Variants in PDSS2 observed in about 807,000 individuals in gnomAD.
The protein encoded by PDSS2 is decaprenyl diphosphate synthase subunit 2, also known as all trans-polyprenyl-diphosphate synthase PDSS2.
Under a neutral mutation model 44.5 loss-of-function variants are expected in PDSS2, and 31 were observed. That is an observed-to-expected ratio of 0.70 (90% CI 0.52 to 0.94). The LOEUF (loss-of-function observed/expected upper bound fraction) is 0.94, where lower values mean the gene tolerates loss of function less well. PDSS2 is among the 40% of genes least tolerant of loss of function. PDSS2 has a pLI of 0.00. For missense variants in PDSS2, 452 were observed against 482.2 expected (o/e 0.94, Z 0.59); for synonymous variants, 157 against 180.3 (o/e 0.87, Z 1.03).
chr6:107,212,214 G>A lies in PDSS2; in HGVS notation c.771C>T (p.Ala257=). The A allele has an allele frequency of 6.2e-7, 1 of 1,613,694 alleles. No individual in the cohort carries two copies. The highest frequency in any genetic ancestry group is 8.5e-7 in the Non-Finnish European group (1 of 1,179,654). Reference sequence around the variant, plus strand: ...CAGCTTGGCAGCTCTTTGCTAGTAAGGCACCATGGGAGAGAAAAGTCTGCT... The same window carrying A: ...CAGCTTGGCAGCTCTTTGCTAGTAAAGCACCATGGGAGAGAAAAGTCTGCT... The part of the protein sequence containing the change: ...WKEQTFLSHG[A]LLAKSCQAAM... The change falls in exon 5 of 8, where the codon GCC becomes GCT. Residue 257 remains alanine, a synonymous_variant. Transcript: ENST00000369037.
At chr6:107,387,062 T>C (rs148593379) in intron 1 of PDSS2, among the ~76,000 whole-genome samples, 13 of 152,322 alleles carry the variant, frequency 8.5e-5, no homozygotes, top group African/African-American at 3.1e-4. Context: ...TCTGAAGGGT[T>C]TGTCCATTTT....
intron 2 of PDSS2, among the ~76,000 whole-genome samples, chr6:107,288,420 G>A (rs182766847): frequency 4.5e-4 from 68 of 152,310 alleles, no homozygotes; most frequent in African/African-American, 1.4e-3. Flanking sequence ...TGAATGAGGA[G>A]CACAAGTTGA....
Position 107,154,472 on chromosome 6 carries a change from G to C in PDSS2, c.*147C>G, listed in dbSNP as rs1040190910. On this transcript the variant is annotated 3_prime_UTR_variant, in exon 8 of 8. Coordinates refer to ENST00000369037, the MANE Select transcript of PDSS2 (RefSeq NM_020381.4). ...ATTTTGTTTGTAGCAGTTCCAAAAA[G>C]AAAGCAGAACTCATTTAGCAATGTG... 9 of 755,234 alleles carry C rather than the reference G, an allele frequency of 1.2e-5. No individual in the cohort carries two copies. The highest frequency in any genetic ancestry group is 1.8e-5 in the Non-Finnish European group (8 of 454,222). The allele number at this position is 755,234 out of a possible 1,614,324, so 46.8% of individuals were successfully genotyped here.
intron 1 of PDSS2, among the ~76,000 whole-genome samples, chr6:107,375,246 TAAAACAG>T (rs1214409567): frequency 4.0e-5 from 6 of 151,734 alleles, no homozygotes; most frequent in East Asian, 3.9e-4. Context: ...CAAAAATTGA[TAAAACAG>T]AAAACAGAAA....
intron 7 of PDSS2, among the ~76,000 whole-genome samples, chr6:107,187,879 T>C (rs1772228490): frequency 6.6e-6 from 1 of 152,110 alleles, no homozygotes; most frequent in Non-Finnish European, 1.5e-5. Flanking sequence ...TTTTACATGC[T>C]AGTGGAAGAA....
intron 1 of PDSS2, among the ~76,000 whole-genome samples, chr6:107,437,843 T>C (rs1379019625): frequency 6.6e-6 from 1 of 152,204 alleles, no homozygotes; most frequent in African/African-American, 2.4e-5. Flanking sequence ...TATCTCCTGA[T>C]TGAGGCCAGA....
chr6:107,446,555 C>T (rs1191236305), intron 1 of PDSS2, among the ~76,000 whole-genome samples: 2 of 152,146 alleles, frequency 1.3e-5, no homozygotes, highest in African/African-American at 4.8e-5. Context: ...AGTCTGCACT[C>T]ACATTGCTAT....
intron 1 of PDSS2, among the ~76,000 whole-genome samples, chr6:107,380,151 TG>T (rs898859199): frequency 1.3e-5 from 2 of 152,160 alleles, no homozygotes; most frequent in African/African-American, 4.8e-5. Flanking sequence ...TCCCTGTTTT[TG>T]TCTCCCCTGT....
chr6:107,341,589 T>TA (rs1290082293), intron 1 of PDSS2, among the ~76,000 whole-genome samples: 1 of 152,030 alleles, frequency 6.6e-6, no homozygotes, highest in Non-Finnish European at 1.5e-5. Context: ...TTCCTACACT[T>TA]AAAGGAATGA....
chr6:107,453,592 C>T (rs1179860701), intron 1 of PDSS2, among the ~76,000 whole-genome samples: 2 of 152,078 alleles, frequency 1.3e-5, no homozygotes, highest in African/African-American at 2.4e-5. Flanking sequence ...CTGCCAATAC[C>T]GCAGTGTTTT....
chr6:107,164,314 C>T (rs1181963024), intron 7 of PDSS2, among the ~76,000 whole-genome samples: 1 of 152,144 alleles, frequency 6.6e-6, no homozygotes, highest in Non-Finnish European at 1.5e-5. Context: ...TATCCCTCCC[C>T]ACTTCCCCCA....
intron 2 of PDSS2, among the ~76,000 whole-genome samples, chr6:107,301,843 G>C (rs151261664): frequency 7.0e-6 from 1 of 142,408 alleles, no homozygotes. Context: ...CTGAAGCACT[G>C]AACTCGGGAG....
chr6:107,273,718 G>A (rs1440854692), intron 3 of PDSS2, among the ~76,000 whole-genome samples: 2 of 152,088 alleles, frequency 1.3e-5, no homozygotes, highest in African/African-American at 4.8e-5. Context: ...AACCAGCAGT[G>A]ATTATCTCTG....
intron 1 of PDSS2, among the ~76,000 whole-genome samples, chr6:107,442,661 T>G (rs1350547095): frequency 6.6e-6 from 1 of 151,912 alleles, no homozygotes; most frequent in Non-Finnish European, 1.5e-5. Context: ...GTTCAACAGG[T>G]CTACAAAATT....
At chr6:107,225,164 T>TAAA (rs1289535741) in intron 4 of PDSS2, among the ~76,000 whole-genome samples, 1 of 42,978 alleles carries the variant, frequency 2.3e-5, no homozygotes, top group Non-Finnish European at 4.0e-5. Flanking sequence ...TATATATATT[T>TAAA]TTTTTTTTTT....
intron 1 of PDSS2, among the ~76,000 whole-genome samples, chr6:107,378,487 C>T (rs1779359015): frequency 6.6e-6 from 1 of 152,106 alleles, no homozygotes; most frequent in Admixed American, 6.5e-5. Flanking sequence ...TGTAATATCA[C>T]TTAAAATAGC....
At chr6:107,446,141 C>A (rs1195028920) in intron 1 of PDSS2, among the ~76,000 whole-genome samples, 2 of 152,038 alleles carry the variant, frequency 1.3e-5, no homozygotes, top group East Asian at 1.9e-4. Flanking sequence ...CATGGTGAAA[C>A]CCCATCTCTA....
chr6:107,326,342 T>A (rs898906831), intron 2 of PDSS2, among the ~76,000 whole-genome samples: 7 of 151,778 alleles, frequency 4.6e-5, no homozygotes, highest in African/African-American at 1.7e-4. Flanking sequence ...ACTCCTGACC[T>A]CAAGTGATCT....
intron 1 of PDSS2, among the ~76,000 whole-genome samples, chr6:107,402,571 G>A (rs111695447): frequency 0.027 from 2,465 of 91,928 alleles, 75 homozygotes; most frequent in East Asian, 0.18. Flanking sequence ...ATATACATGT[G>A]TATATATATG....
Sources: gnomAD v4.1 joint callset for allele counts (sites outside exome capture counted in the v4.1 genomes callset) on GRCh38, gnomAD v4.1.1 for gene constraint, MANE v1.5 for transcripts, NCBI Gene and HGNC (gene_info 2026-07-23, HGNC 2026-07-21) for gene names.